Variants in GALNT16 observed in about 807,000 individuals in gnomAD.
The protein encoded by GALNT16 is polypeptide N-acetylgalactosaminyltransferase 16.
GALNT16 carries 40 observed loss-of-function variants against 76.1 expected under a neutral mutation model. The observed-to-expected ratio is 0.53, with a 90% CI of 0.41 to 0.68. GALNT16 has a LOEUF of 0.68. Ranked by LOEUF, GALNT16 falls within the 30% of genes least tolerant of loss-of-function variation. The pLI, the probability that GALNT16 is intolerant of heterozygous loss-of-function variation, is 0.00. For synonymous variants in GALNT16, 276 were observed against 285.2 expected (o/e 0.97, Z 0.32); for missense variants, 621 against 731.9 (o/e 0.85, Z 1.75).
At chr14:69,341,800 G>C (rs1376939571) in intron 12 of GALNT16, 36 bp downstream of exon 12, 2 of 1,480,714 alleles carry the variant, frequency 1.4e-6, no homozygotes, top group Non-Finnish European at 1.9e-6. Flanking sequence ...TCCCCCAGGC[G>C]GGTAGGGGGT....
intron 9 of GALNT16, among the ~76,000 whole-genome samples, chr14:69,334,446 T>C (rs1638931750): frequency 6.6e-6 from 1 of 152,104 alleles, no homozygotes; most frequent in Admixed American, 6.5e-5. Flanking sequence ...GCAAGTGAGA[T>C]GGAGGTTAGA....
intron 1 of GALNT16, among the ~76,000 whole-genome samples, chr14:69,312,054 A>AAATCTATCT (rs1361275904): frequency 8.0e-6 from 1 of 125,718 alleles, no homozygotes; most frequent in Admixed American, 7.5e-5. Flanking sequence ...AAAAAAAAAA[A>AAATCTATCT]ATCTGTCTAT....
intron 14 of GALNT16, 195 bp from the exon 15 acceptor site, chr14:69,351,836 C>A (rs2045640224): frequency 5.7e-6 from 3 of 529,148 alleles, no homozygotes; most frequent in Non-Finnish European, 6.6e-6. Context: ...TGCTTGAACT[C>A]AGGAGTTCGA....
intron 12 of GALNT16, among the ~76,000 whole-genome samples, chr14:69,345,497 GC>G (rs954511839): frequency 5.9e-5 from 9 of 152,198 alleles, no homozygotes; most frequent in Admixed American, 2.6e-4. Context: ...TCTTATAATG[GC>G]CCAACCCCCC....
intron 1 of GALNT16, among the ~76,000 whole-genome samples, chr14:69,307,970 C>T (rs1594839268): frequency 1.3e-5 from 2 of 152,130 alleles, no homozygotes; most frequent in East Asian, 3.9e-4. Context: ...GGGTTGCCAA[C>T]CATCACACGA....
chr14:69,286,000 A>G (rs1234443236), intron 1 of GALNT16, among the ~76,000 whole-genome samples: 1 of 152,134 alleles, frequency 6.6e-6, no homozygotes, highest in East Asian at 1.9e-4. Flanking sequence ...AGCCTCTGGT[A>G]GGTGTGGCCT....
chr14:69,317,412 G>A (rs950220338), intron 1 of GALNT16, among the ~76,000 whole-genome samples: 1 of 152,210 alleles, frequency 6.6e-6, no homozygotes, highest in African/African-American at 2.4e-5. Context: ...GGGGTTGGCG[G>A]TTTCTTCTTT....
At chr14:69,338,588 C>T (rs2045443513) in intron 9 of GALNT16, 63 bp from the exon 10 acceptor site, 1 of 1,592,842 alleles carries the variant, frequency 6.3e-7, no homozygotes, top group Non-Finnish European at 8.6e-7. Context: ...GGAAGCCAGC[C>T]CCTTCCCACC....
Position 69,261,509 on chromosome 14 carries a change from G to A in GALNT16, c.177+1042G>A, listed in dbSNP as rs997391098. The stretch of plus-strand genomic sequence containing the variant: ...AGCCTGGCCGGATGAGGACCAGGAA[G>A]AGGAGAGCCGAGTGGGGCGGGGGTA... On this transcript the variant is annotated intron_variant, in intron 1 of 14. Transcript: ENST00000448469. The surrounding 1 kb of genome is among the most constrained non-coding windows in gnomAD (Gnocchi z 6.4). 2.6e-5 allele frequency among the ~76,000 whole-genome samples: 4 copies of A among 152,110 alleles called. No homozygotes were observed. The highest frequency in any genetic ancestry group is 5.9e-5 in the Non-Finnish European group (4 of 67,996).
At chr14:69,372,749 G>T in the GALNT16 span, among the ~76,000 whole-genome samples, 16 of 152,204 alleles carry the variant, frequency 1.1e-4, no homozygotes, top group African/African-American at 3.9e-4. Flanking sequence ...AGAAGCAAGG[G>T]TATCAAGGAT....
chr14:69,264,283 A>G (rs542089796), intron 1 of GALNT16, among the ~76,000 whole-genome samples: 1 of 152,342 alleles, frequency 6.6e-6, no homozygotes. Flanking sequence ...TGGACACAAT[A>G]CTTAACATCT....
At chr14:69,372,823 C>G in the GALNT16 span, among the ~76,000 whole-genome samples, 1 of 152,210 alleles carries the variant, frequency 6.6e-6, no homozygotes, top group Non-Finnish European at 1.5e-5. Flanking sequence ...CATTTGTCCT[C>G]AACAGCCTTT....
the GALNT16 span, among the ~76,000 whole-genome samples, chr14:69,369,832 T>C: frequency 2.0e-5 from 3 of 152,196 alleles, no homozygotes; most frequent in East Asian, 1.9e-4. Flanking sequence ...AAGGTCCCCC[T>C]GAGGACAGCT....
At chr14:69,365,660 T>C in the GALNT16 span, among the ~76,000 whole-genome samples, 5 of 152,182 alleles carry the variant, frequency 3.3e-5, no homozygotes, top group South Asian at 8.3e-4. Flanking sequence ...TCAGGAAGAA[T>C]AGTCAATGGA....
chr14:69,336,212 C>T lies in GALNT16; in HGVS notation c.968-2439C>T, dbSNP rs536624347. 5.1e-4 allele frequency among the ~76,000 whole-genome samples: 78 copies of T among 152,308 alleles called. No individual in the cohort carries two copies. In the South Asian group the frequency reaches 0.014, roughly 27 times the overall value. ...GCACTCTCTGCCTCCAGGGTTCAAG[C>T]GATTCTCCTGCCTCAGCCTTCTGAG... On this transcript the variant is annotated intron_variant, in intron 9 of 14. Transcript: ENST00000448469.
downstream of GALNT16, chr14:69,359,046 G>A (rs12880219): frequency 0.13 from 19,298 of 152,348 alleles, 1,352 homozygotes; most frequent in East Asian, 0.18. Context: ...TCCCCCACCT[G>A]TCTGAAAAGT....
intron 5 of GALNT16, among the ~76,000 whole-genome samples, chr14:69,327,254 G>T (rs891790127): frequency 8.5e-5 from 13 of 152,190 alleles, no homozygotes; most frequent in African/African-American, 3.1e-4. Context: ...GGAGGCTGAG[G>T]CAGGAGAATC....
chr14:69,321,636 C>A (rs2045186677), intron 2 of GALNT16, among the ~76,000 whole-genome samples: 1 of 152,176 alleles, frequency 6.6e-6, no homozygotes, highest in Admixed American at 6.5e-5. Flanking sequence ...TTCCTCCCTC[C>A]TTCCTTCCTT....
chr14:69,290,603 G>A (rs2044676775), intron 1 of GALNT16, among the ~76,000 whole-genome samples: 1 of 152,228 alleles, frequency 6.6e-6, no homozygotes, highest in Admixed American at 6.5e-5. Flanking sequence ...AAGATGCTAT[G>A]ACAGAGAATG....
Sources: gnomAD v4.1 joint callset for allele counts (sites outside exome capture counted in the v4.1 genomes callset) on GRCh38, gnomAD v4.1.1 for gene constraint, Gnocchi (gnomAD v3.1) non-coding constraint, MANE v1.5 for transcripts, NCBI Gene and HGNC (gene_info 2026-07-23, HGNC 2026-07-21) for gene names.